The following DACH1 variants were observed in gnomAD, a reference collection of about 807,000 sequenced individuals.
DACH1 encodes dachshund family transcription factor 1, also known as dachshund homolog 1.
A neutral mutation model predicts 54.2 loss-of-function variants in DACH1; 12 were observed. The observed-to-expected ratio is 0.22, with a 90% confidence interval of 0.14 to 0.36. The LOEUF is 0.36. Among genes scored for constraint, DACH1 ranks in the 10% least tolerant of loss-of-function variants. The pLI is 1.00. For synonymous variants in DACH1, 386 were observed against 366.2 expected, an observed-to-expected ratio of 1.05 and a Z score of -0.62; for missense variants, 805 against 929.8, an observed-to-expected ratio of 0.87 and a Z score of 1.75.
chr13:71,554,537 A>G (rs1200760292), intron 6 of DACH1, among the ~76,000 whole-genome samples: 1 of 152,138 alleles, frequency 6.6e-6, no homozygotes, highest in African/African-American at 2.4e-5. Context: ...AATGTGTTTC[A>G]TATAAATGTG....
intron 1 of DACH1, among the ~76,000 whole-genome samples, chr13:71,856,737 C>T (rs543657169): frequency 2.6e-4 from 40 of 151,892 alleles, no homozygotes; most frequent in Middle Eastern, 3.4e-3. Context: ...TTACCGATGA[C>T]GTAATGACTT....
intron 1 of DACH1, among the ~76,000 whole-genome samples, chr13:71,737,711 A>T (rs1211992811): frequency 1.3e-5 from 2 of 152,232 alleles, no homozygotes; most frequent in Non-Finnish European, 2.9e-5. Flanking sequence ...CATTTAGAAG[A>T]TTCATTTGTC....
intron 3 of DACH1, among the ~76,000 whole-genome samples, chr13:71,592,395 T>G (rs1873775668): frequency 6.8e-6 from 1 of 147,148 alleles, no homozygotes; most frequent in South Asian, 2.1e-4. Context: ...CTTGAGGTAT[T>G]GAGGTGGGAG....
At chr13:71,809,991 T>C (rs567550744) in intron 1 of DACH1, among the ~76,000 whole-genome samples, 3 of 152,296 alleles carry the variant, frequency 2.0e-5, no homozygotes, top group African/African-American at 7.2e-5. Flanking sequence ...CAATGCTGTG[T>C]GTGTGTATGC....
rs890208678 is a variant in DACH1 at position 71,703,299 on chromosome 13, G to T, written c.849-21389C>A. Among the ~76,000 whole-genome samples, 50 of 152,242 alleles carry T rather than the reference G, an allele frequency of 3.3e-4. 1 individual carries two copies. Among genetic ancestry groups the T allele is most frequent in the South Asian group, 6.2e-4 (3 of 4,824 alleles). On this transcript the variant is annotated intron_variant, in intron 1 of 10. Transcript: ENST00000613252. ...TAATTTGAGCTTGGCTATGAGACTTGCTGTGGCCAATGACATGTGAGCAGA... is the reference window on the plus strand; with the variant it reads ...TAATTTGAGCTTGGCTATGAGACTTTCTGTGGCCAATGACATGTGAGCAGA...
At chr13:71,833,767 C>T (rs1477953808) in intron 1 of DACH1, among the ~76,000 whole-genome samples, 2 of 151,786 alleles carry the variant, frequency 1.3e-5, no homozygotes, top group Non-Finnish European at 2.9e-5. Context: ...CTTTGTGAAG[C>T]TAAAATAAAA....
intron 1 of DACH1, among the ~76,000 whole-genome samples, chr13:71,706,608 T>C (rs1340443319): frequency 6.6e-6 from 1 of 152,172 alleles, no homozygotes; most frequent in African/African-American, 2.4e-5. Flanking sequence ...TGAACTATCA[T>C]GTTTTCTTGA....
At chr13:71,468,222 A>T (rs1317106424) in intron 10 of DACH1, among the ~76,000 whole-genome samples, 1 of 152,226 alleles carries the variant, frequency 6.6e-6, no homozygotes, top group Non-Finnish European at 1.5e-5. Flanking sequence ...CCAATTGCCA[A>T]GACCTGTAGT....
At chr13:71,458,335 C>A (rs553763834) in intron 10 of DACH1, among the ~76,000 whole-genome samples, 1 of 151,920 alleles carries the variant, frequency 6.6e-6, no homozygotes, top group East Asian at 1.9e-4. Flanking sequence ...TATGGCTTCT[C>A]AAAAGATCTA....
intron 1 of DACH1, among the ~76,000 whole-genome samples, chr13:71,770,949 T>A (rs1376483717): frequency 6.6e-6 from 1 of 151,516 alleles, no homozygotes; most frequent in Non-Finnish European, 1.5e-5. Context: ...GACTTACTAA[T>A]AGGATTGCTA....
At chr13:71,487,661 T>G (rs2138200568) in intron 7 of DACH1, among the ~76,000 whole-genome samples, 1 of 152,342 alleles carries the variant, frequency 6.6e-6, no homozygotes, top group African/African-American at 2.4e-5. Context: ...AATTAAATCC[T>G]CACTGACCTG....
At chr13:71,815,968 C>T (rs1887903151) in intron 1 of DACH1, among the ~76,000 whole-genome samples, 1 of 151,824 alleles carries the variant, frequency 6.6e-6, no homozygotes. Flanking sequence ...GCCTGTAGTC[C>T]CAGCTACTCG....
At chr13:71,849,679 C>A (rs913608486) in intron 1 of DACH1, among the ~76,000 whole-genome samples, 1 of 152,136 alleles carries the variant, frequency 6.6e-6, no homozygotes, top group African/African-American at 2.4e-5. Context: ...AATAGCTAGA[C>A]ACTAAGACCA....
At chr13:71,699,842 T>C (rs1385283995) in intron 1 of DACH1, among the ~76,000 whole-genome samples, 1 of 152,210 alleles carries the variant, frequency 6.6e-6, no homozygotes, top group African/African-American at 2.4e-5. Context: ...CAACTATATT[T>C]TATAGCCAAC....
intron 10 of DACH1, among the ~76,000 whole-genome samples, chr13:71,466,520 A>AC (rs1876581136): frequency 6.6e-6 from 1 of 152,012 alleles, no homozygotes; most frequent in Non-Finnish European, 1.5e-5. Context: ...CATAGTGCCA[A>AC]CCCCCTATTA....
At chr13:71,496,411 T>C (rs1239332649) in intron 6 of DACH1, among the ~76,000 whole-genome samples, 1 of 150,646 alleles carries the variant, frequency 6.6e-6, no homozygotes, top group African/African-American at 2.4e-5. Context: ...ATTATGTCTT[T>C]TGCAGCAATA....
chr13:71,796,977 AT>A (rs1000003975), intron 1 of DACH1, among the ~76,000 whole-genome samples: 10 of 151,506 alleles, frequency 6.6e-5, no homozygotes, highest in African/African-American at 2.4e-4. Context: ...TTAATATTAT[AT>A]TTCTTTGTTT....
intron 10 of DACH1, among the ~76,000 whole-genome samples, chr13:71,455,326 T>C (rs1441684031): frequency 2.0e-5 from 3 of 152,090 alleles, no homozygotes; most frequent in African/African-American, 7.2e-5. Context: ...TATCTCTCCA[T>C]ATATGGAGTC....
intron 1 of DACH1, among the ~76,000 whole-genome samples, chr13:71,854,782 G>A (rs1873894881): frequency 2.0e-5 from 3 of 151,928 alleles, no homozygotes; most frequent in Non-Finnish European, 2.9e-5. Flanking sequence ...ACTAGTTGGG[G>A]TAAACTTTTA....
Sources: allele counts gnomAD v4.1 joint callset (sites outside exome capture counted in the v4.1 genomes callset), GRCh38; gene constraint gnomAD v4.1.1; transcripts MANE v1.5; gene names NCBI Gene and HGNC (gene_info 2026-07-23, HGNC 2026-07-21).